EOGT: variants seen among roughly 807,000 people sequenced by gnomAD.
The protein encoded by EOGT is EGF domain-specific O-linked N-acetylglucosamine transferase.
EOGT carries 55 observed loss-of-function variants against 70.5 expected under a neutral mutation model. That is an observed-to-expected ratio of 0.78 (90% CI 0.63 to 0.98). The LOEUF is 0.98. EOGT is among the 50% of genes least tolerant of loss of function. EOGT has a pLI of 0.00. For synonymous variants in EOGT, 246 were observed against 217.1 expected (o/e 1.13, Z -1.17); for missense variants, 703 against 641.9 (o/e 1.10, Z -1.03).
At chr3:68,995,494 C>T (rs1378772273) in intron 10 of EOGT, among the ~76,000 whole-genome samples, 1 of 152,154 alleles carries the variant, frequency 6.6e-6, no homozygotes, top group Non-Finnish European at 1.5e-5. Flanking sequence ...GGTCAGACTG[C>T]CCTCATGTCT....
chr3:69,007,007 G>T (rs549287189), intron 6 of EOGT, among the ~76,000 whole-genome samples: 250 of 152,294 alleles, frequency 1.6e-3, no homozygotes, highest in African/African-American at 5.5e-3. Flanking sequence ...AAACTGTAAA[G>T]CTCTGGGCAA....
rs2090454167 is a variant in EOGT, at chr3:68,975,635, C to G, written c.*1983G>C. On this transcript the variant is annotated 3_prime_UTR_variant, in exon 18 of 18. Coordinates refer to ENST00000383701, the MANE Select transcript of EOGT (RefSeq NM_001278689.2). ...ATCTGAAATATTTTCCCAGTGGTTA[C>G]TCAGTATTTTGCACACAAAAAACAG... 1 of 152,458 alleles carries G rather than the reference C, an allele frequency of 6.6e-6. No homozygotes were observed. The allele number at this position is 152,458 out of a possible 1,614,324, so 9.4% of individuals were successfully genotyped here.
intron 10 of EOGT, among the ~76,000 whole-genome samples, chr3:68,997,598 G>A (rs1052350201): frequency 1.3e-5 from 2 of 151,966 alleles, no homozygotes; most frequent in Non-Finnish European, 1.5e-5. Flanking sequence ...CGAACTCCTG[G>A]CCTCAAATGA....
At chr3:69,011,424 G>A (rs895713381) in intron 3 of EOGT, among the ~76,000 whole-genome samples, 6 of 151,408 alleles carry the variant, frequency 4.0e-5, no homozygotes, top group South Asian at 2.1e-4. Flanking sequence ...CCCTGAGTTC[G>A]AGACCAGCTT....
Position 68,976,762 on chromosome 3 carries a change from T to C in EOGT, c.*856A>G, listed in dbSNP as rs1380800787. 6.6e-6 allele frequency: 1 copy of C among 152,184 alleles called. No individual in the cohort carries two copies. The highest frequency in any genetic ancestry group is 1.5e-5 in the Non-Finnish European group (1 of 68,018). The allele number at this position is 152,184 out of a possible 1,614,324, so 9.4% of individuals were successfully genotyped here. ...ACAGTTGTAAATTTACCCAAATATA[T>C]CATAAACAAGTTGGAACACTCTGGA... is the stretch of plus-strand genomic sequence containing the variant. On this transcript the variant is annotated 3_prime_UTR_variant, in exon 18 of 18. Coordinates refer to ENST00000383701, the MANE Select transcript of EOGT (RefSeq NM_001278689.2).
intron 12 of EOGT, 55 bp from the exon 13 acceptor site, chr3:68,988,436 A>G: frequency 6.7e-7 from 1 of 1,491,292 alleles, no homozygotes; most frequent in Non-Finnish European, 9.0e-7. Flanking sequence ...TTATAATTTA[A>G]GATACTGTCA....
At chr3:69,004,336 A>C in intron 8 of EOGT, 42 bp downstream of exon 8, 1 of 1,448,180 alleles carries the variant, frequency 6.9e-7, no homozygotes. Context: ...GCCGTAAATA[A>C]AGGCAAATAT....
At position 68,977,600 on chromosome 3, in the gene EOGT, C is replaced by T. The variant is rs2090506985; in HGVS notation, c.*18G>A. 6.2e-7 allele frequency: 1 copy of T among 1,610,208 alleles called. No homozygotes were observed. Among genetic ancestry groups the T allele is most frequent in the African/African-American group, 1.3e-5 (1 of 74,492 alleles). On this transcript the variant is annotated 3_prime_UTR_variant, in exon 18 of 18. Coordinates refer to ENST00000383701, the MANE Select transcript of EOGT (RefSeq NM_001278689.2). Reference sequence around the variant, plus strand: ...GGAGTGTTTAAACACTCTCTTTTTGCAAACAGACTCAGCATATTTATAGCT... The same window carrying T: ...GGAGTGTTTAAACACTCTCTTTTTGTAAACAGACTCAGCATATTTATAGCT...
At position 68,998,098 on chromosome 3, in the gene EOGT, G is replaced by C. The variant is rs1156531671; in HGVS notation, c.744C>G (p.His248Gln). The stretch of plus-strand genomic sequence containing the variant: ...AAAGATTGATGAAATCACAGAAGTG[G>C]TGATACATGTTAACACCTAGTGTTG... ...MKLDAGVNMY[H>Q]HFCDFINLYI... is the part of the protein sequence containing the mutation. The change falls in exon 10 of 18, where the codon CAC (histidine) becomes CAG (glutamine). Residue 248 changes from histidine to glutamine, a missense_variant. By Grantham distance (24) the His-to-Gln change is conservative. Transcript: ENST00000383701. 1 of 1,586,610 alleles carries C rather than the reference G, an allele frequency of 6.3e-7. No individual in the cohort carries two copies.
At position 69,006,112 on chromosome 3, in the gene EOGT, G is replaced by A. The variant is rs1005978358; in HGVS notation, c.421-878C>T. ...CTAAGACAAGGATCATACTCTGCTA[G>A]CACAAAGCAAATCAAGGTAAATCTT... On this transcript the variant is annotated intron_variant, in intron 6 of 17. Transcript: ENST00000383701. 5.9e-5 allele frequency among the ~76,000 whole-genome samples: 9 copies of A among 152,302 alleles called. No individual in the cohort carries two copies. In the South Asian group the frequency reaches 1.9e-3, roughly 32 times the overall value.
intron 10 of EOGT, among the ~76,000 whole-genome samples, chr3:68,992,554 CA>C (rs2091023408): frequency 6.6e-6 from 1 of 152,176 alleles, no homozygotes; most frequent in Non-Finnish European, 1.5e-5. Context: ...CACGGGCTGG[CA>C]TTGAGTGTCT....
chr3:68,992,046 T>C (rs2091008927), intron 10 of EOGT, among the ~76,000 whole-genome samples: 1 of 152,198 alleles, frequency 6.6e-6, no homozygotes, highest in Non-Finnish European at 1.5e-5. Context: ...GTGGGAATTC[T>C]GGGAGATGCA....
intron 9 of EOGT, among the ~76,000 whole-genome samples, chr3:69,001,367 G>A (rs9814156): frequency 1.3e-5 from 2 of 152,120 alleles, no homozygotes; most frequent in African/African-American, 2.4e-5. Flanking sequence ...TTCACCTCTC[G>A]TCCTTTGATT....
intron 13 of EOGT, chr3:68,987,946 G>A: frequency 2.9e-6 from 1 of 348,878 alleles, no homozygotes; most frequent in Non-Finnish European, 5.2e-6. Context: ...GGGCAGTCTT[G>A]CTCTGTCGCC....
At chr3:68,994,560 G>C (rs10865642) in intron 10 of EOGT, among the ~76,000 whole-genome samples, 121,474 of 152,178 alleles carry the variant, frequency 0.8, 48,714 homozygotes, top group Admixed American at 0.85. Context: ...GGGAGGCCAA[G>C]GCAGGCGGAT....
intron 16 of EOGT, 60 bp downstream of exon 16, chr3:68,979,608 T>G: frequency 3.2e-6 from 5 of 1,567,316 alleles, no homozygotes; most frequent in Non-Finnish European, 4.4e-6. Context: ...AATGAAAGCT[T>G]TAGCATGCAT....
chr3:68,987,336 A>AAAACTAAGTTTT (rs1056603885), intron 14 of EOGT, 109 bp downstream of exon 14: 20 of 874,542 alleles, frequency 2.3e-5, no homozygotes, highest in Middle Eastern at 2.7e-4. Context: ...AACTTTTCTC[A>AAAACTAAGTTTT]AAACTAAGTT....
At chr3:68,989,748 CA>C (rs56000169) in intron 10 of EOGT, among the ~76,000 whole-genome samples, 6,363 of 92,896 alleles carry the variant, frequency 0.068, 280 homozygotes, top group African/African-American at 0.22. Flanking sequence ...AACTCCATCT[CA>C]AAAAAAAAAA....
At chr3:69,010,797 G>C (rs1237369292) in intron 3 of EOGT, among the ~76,000 whole-genome samples, 1 of 152,178 alleles carries the variant, frequency 6.6e-6, no homozygotes, top group Non-Finnish European at 1.5e-5. Context: ...GGATGGCTCT[G>C]AGCAAGTGTG....
Sources: allele counts gnomAD v4.1 joint callset (sites outside exome capture counted in the v4.1 genomes callset), GRCh38; gene constraint gnomAD v4.1.1; transcripts MANE v1.5; gene names NCBI Gene and HGNC (gene_info 2026-07-23, HGNC 2026-07-21).